CTH: variants seen among roughly 807,000 people sequenced by gnomAD.
CTH encodes the protein cystathionine gamma-lyase.
In CTH, 41 loss-of-function variants were observed where a neutral mutation model predicts 50.6. The observed-to-expected ratio is 0.81, with a 90% CI of 0.63 to 1.05. The LOEUF (loss-of-function observed/expected upper bound fraction) is 1.05, where lower values mean the gene tolerates loss of function less well. Among genes scored for constraint, CTH ranks in the 50% least tolerant of loss-of-function variants. The pLI is 0.00. For missense variants in CTH, 470 were observed against 492.6 expected, an observed-to-expected ratio of 0.95 and a Z score of 0.43; for synonymous variants, 156 against 168.9, an observed-to-expected ratio of 0.92 and a Z score of 0.59.
In CTH at chr1:70,439,408, TC is replaced by T; in HGVS notation, c.*282del. On this transcript the variant is annotated 3_prime_UTR_variant, in exon 12 of 12. Transcript: ENST00000370938. ...TTTGTGCTACTTTGGGAGATTATGT[TC>T]TTTTTTCATGTCTAAGATTTATTTT... 2.5e-6 allele frequency: 1 copy of T among 407,220 alleles called. No homozygotes were observed. The highest frequency in any genetic ancestry group is 6.8e-4 in the Middle Eastern group (1 of 1,476). 25.2% of individuals were successfully genotyped at this position (407,220 alleles called of 1,614,324 possible).
At chr1:70,413,828 A>T (rs770007266) in intron 1 of CTH, among the ~76,000 whole-genome samples, 9 of 135,216 alleles carry the variant, frequency 6.7e-5, no homozygotes, top group Non-Finnish European at 7.7e-5. Context: ...TGCATCCTCC[A>T]CCTCCTGGGT....
chr1:70,421,497 T>C (rs1684220840), intron 3 of CTH, 69 bp from the exon 4 acceptor site: 1 of 1,495,416 alleles, frequency 6.7e-7, no homozygotes, highest in African/African-American at 1.4e-5. Flanking sequence ...TAAGTGTTTA[T>C]ACATAGAAGG....
rs908256875 is a variant in CTH at position 70,439,443 on chromosome 1, T to G, written c.*316T>G. Reference sequence around the variant, plus strand: ...TGTCTAAGATTTATTTTGATCATGTTTATAATATAATGGTAATTCATTTTT... The same window carrying G: ...TGTCTAAGATTTATTTTGATCATGTGTATAATATAATGGTAATTCATTTTT... On this transcript the variant is annotated 3_prime_UTR_variant, in exon 12 of 12. Transcript: ENST00000370938. The G allele has an allele frequency of 6.3e-6, 2 of 318,578 alleles. No individual in the cohort carries two copies. The highest frequency in any genetic ancestry group is 4.2e-5 in the African/African-American group (2 of 47,286). The allele number at this position is 318,578 out of a possible 1,614,324, so 19.7% of individuals were successfully genotyped here.
intron 1 of CTH, among the ~76,000 whole-genome samples, chr1:70,414,642 G>A (rs559738304): frequency 1.3e-5 from 2 of 152,246 alleles, no homozygotes; most frequent in East Asian, 3.9e-4. Flanking sequence ...GTGAAGCAGA[G>A]GGAGAAAATT....
At position 70,438,888 on chromosome 1, in the gene CTH, G is replaced by T. The variant is rs966807304; in HGVS notation, c.1191+62G>T. On this transcript the variant is annotated intron_variant, in intron 11 of 11. Coordinates refer to ENST00000370938, the MANE Select transcript of CTH (RefSeq NM_001902.6). ...TGTGTGTCTGCTTTATCTTGGGCAT[G>T]GGGGGTCACTATATTTACAAAGTGT... The T allele has an allele frequency of 3.5e-5, 56 of 1,603,426 alleles. No homozygotes were observed. In the African/African-American group the frequency reaches 5.9e-4, roughly 17 times the overall value.
At chr1:70,426,352 A>C (rs1281076173) in intron 5 of CTH, among the ~76,000 whole-genome samples, 1 of 150,712 alleles carries the variant, frequency 6.6e-6, no homozygotes, top group Admixed American at 6.6e-5. Flanking sequence ...CACTTCCTGT[A>C]GTTCATCTCT....
rs1342672283 is a variant in CTH at position 70,417,924 on chromosome 1, A to T, written c.251-13A>T. 3 of 1,613,830 alleles carry T rather than the reference A, an allele frequency of 1.9e-6. No homozygotes were observed. Among genetic ancestry groups the T allele is most frequent in the East Asian group, 2.2e-5 (1 of 44,844 alleles). Reference sequence around the variant, plus strand: ...TGACTTTTCAGCTTACTCTAACTTGATTTTTATTTTAGGTTTGGCCTTTGC... The same window carrying T: ...TGACTTTTCAGCTTACTCTAACTTGTTTTTTATTTTAGGTTTGGCCTTTGC... On this transcript the variant is annotated splice_polypyrimidine_tract_variant and intron_variant, in intron 2 of 11. Transcript: ENST00000370938.
In CTH at chr1:70,437,418, A is replaced by G. The variant is rs565210335; in HGVS notation, c.1053-1270A>G. On this transcript the variant is annotated intron_variant, in intron 10 of 11. Coordinates refer to ENST00000370938, the MANE Select transcript of CTH (RefSeq NM_001902.6). ...TATCCAATTTTTATTCATTAAAAAA[A>G]TGAATTAATGCACACAAACCACCTA... is the stretch of plus-strand genomic sequence containing the variant. 5.9e-5 allele frequency among the ~76,000 whole-genome samples: 9 copies of G among 152,372 alleles called. No individual in the cohort carries two copies. The South Asian group carries it at 1.9e-3, about 32-fold the overall frequency.
At chr1:70,433,164 C>G (rs999887336) in intron 8 of CTH, among the ~76,000 whole-genome samples, 1 of 152,004 alleles carries the variant, frequency 6.6e-6, no homozygotes, top group Admixed American at 6.5e-5. Flanking sequence ...TTTGAGGGTT[C>G]TAGCATCTAG....
At chr1:70,413,584 T>G (rs949940581) in intron 1 of CTH, among the ~76,000 whole-genome samples, 1 of 151,504 alleles carries the variant, frequency 6.6e-6, no homozygotes, top group Non-Finnish European at 1.5e-5. Flanking sequence ...CTTTCAAACA[T>G]GCAGTTCGTT....
intron 9 of CTH, 80 bp downstream of exon 9, chr1:70,434,029 A>G: frequency 6.3e-7 from 1 of 1,594,228 alleles, no homozygotes; most frequent in Non-Finnish European, 8.5e-7. Context: ...TACTCAAGCC[A>G]GATAATGTTT....
Position 70,421,599 on chromosome 1 carries a change from A to C in CTH, c.380A>C (p.Glu127Ala). The change falls in exon 4 of 12, where the codon GAA becomes GCA. Residue 127 changes from glutamate (E) to alanine (A), a missense_variant. By Grantham distance (107) the Glu-to-Ala change is moderately radical (BLOSUM62 -1). Coordinates refer to ENST00000370938, the MANE Select transcript of CTH (RefSeq NM_001902.6). ...AGGTACTTCAGGCAAGTGGCATCTG[A>C]ATTTGGATTAAAGATTTCTTTTGTT... ...TNRYFRQVAS[E>A]FGLKISFVDC... is the part of the protein sequence containing the mutation. The C allele has an allele frequency of 6.2e-7, 1 of 1,613,908 alleles. No homozygotes were observed. Among genetic ancestry groups the C allele is most frequent in the Non-Finnish European group, 8.5e-7 (1 of 1,179,894 alleles).
chr1:70,431,312 A>G (rs1422501139), intron 7 of CTH: 2 of 152,204 alleles, frequency 1.3e-5, no homozygotes, highest in African/African-American at 4.8e-5. Flanking sequence ...TTTAGTTTCA[A>G]GACTTAATGG....
intron 2 of CTH, 48 bp from the exon 3 acceptor site, chr1:70,417,889 C>T: frequency 1.2e-6 from 2 of 1,605,552 alleles, no homozygotes; most frequent in Non-Finnish European, 1.7e-6. Flanking sequence ...TGTGTTGTAA[C>T]CTATAGGCCT....
rs910820115 is a variant in CTH at position 70,427,762 on chromosome 1, G to A, written c.589-2032G>A. Among the ~76,000 whole-genome samples the A allele has an allele frequency of 7.9e-5, 12 of 152,152 alleles. No homozygotes were observed. In the East Asian group the frequency reaches 2.3e-3, roughly 29 times the overall value. ...GAGTCTTGCTCTGTCGCCCAGGCTG[G>A]AGTGCAGTGGCGCGATCTCAGCTCA... On this transcript the variant is annotated intron_variant, in intron 5 of 11. Coordinates refer to ENST00000370938, the MANE Select transcript of CTH (RefSeq NM_001902.6).
At chr1:70,419,999 T>G (rs1684178862) in intron 3 of CTH, among the ~76,000 whole-genome samples, 2 of 151,708 alleles carry the variant, frequency 1.3e-5, no homozygotes, top group South Asian at 2.1e-4. Flanking sequence ...GGCGTGTTTT[T>G]TTTTTTTTTT....
intron 9 of CTH, 142 bp downstream of exon 9, chr1:70,434,091 T>C (rs1314093721): frequency 1.4e-6 from 2 of 1,447,842 alleles, no homozygotes; most frequent in Non-Finnish European, 1.9e-6. Flanking sequence ...ATGCATTGGG[T>C]TGAAAACAAC....
rs1440073031 is a variant in CTH, at chr1:70,435,206, T to A, written c.1052+29T>A. 3 of 1,598,248 alleles carry A rather than the reference T, an allele frequency of 1.9e-6. No individual in the cohort carries two copies. The South Asian group carries it at 3.3e-5, about 18-fold the overall frequency. On this transcript the variant is annotated intron_variant, in intron 10 of 11. Transcript: ENST00000370938. ...AGTATAGTTCTGTTTTTCTCAGTAT[T>A]TTAAATTTGATGTCAGCTTTAATGA...
At chr1:70,427,740 T>C (rs1230662538) in intron 5 of CTH, among the ~76,000 whole-genome samples, 1 of 152,086 alleles carries the variant, frequency 6.6e-6, no homozygotes, top group Non-Finnish European at 1.5e-5. Context: ...TGAAATGGAG[T>C]CTTGCTCTGT....
Sources: gnomAD v4.1 joint callset for allele counts (sites outside exome capture counted in the v4.1 genomes callset) on GRCh38, gnomAD v4.1.1 for gene constraint, MANE v1.5 for transcripts, NCBI Gene and HGNC (gene_info 2026-07-23, HGNC 2026-07-21) for gene names.